The following ZNF536 variants were observed in gnomAD, a reference collection of about 807,000 sequenced individuals.
ZNF536 encodes zinc finger protein 536.
A neutral mutation model predicts 84.5 loss-of-function variants in ZNF536; 13 were observed. The ratio of observed to expected loss-of-function variants is 0.15; its 90% confidence interval spans 0.10 to 0.24. The LOEUF (loss-of-function observed/expected upper bound fraction) is 0.24, where lower values mean the gene tolerates loss of function less well. Among genes scored for constraint, ZNF536 ranks in the 10% least tolerant of loss-of-function variants. ZNF536 has a pLI of 1.00. For synonymous variants in ZNF536, 811 were observed against 742.5 expected, an observed-to-expected ratio of 1.09 and a Z score of -1.50; for missense variants, 1,536 against 1,747.5, an observed-to-expected ratio of 0.88 and a Z score of 2.16.
At position 30,228,927 on chromosome 19, in the gene ZNF536, T is replaced by C. The variant is rs2022798381; in HGVS notation, c.-190+254T>C. 6.7e-6 allele frequency among the ~76,000 whole-genome samples: 1 copy of C among 148,208 alleles called. No individual in the cohort carries two copies. The highest frequency in any genetic ancestry group is 6.7e-5 in the Admixed American group (1 of 14,924). On this transcript the variant is annotated intron_variant, in intron 1 of 5. Coordinates refer to the ZNF536 transcript ENST00000585628. The surrounding 1 kb of genome is among the most constrained non-coding windows in gnomAD (Gnocchi z 4.5). Reference sequence around the variant, plus strand: ...GCCACGCGTGTACCTGTGGCGAGACTCGGGAGGCGATCTTGGGGGGCGCGC... The same window carrying C: ...GCCACGCGTGTACCTGTGGCGAGACCCGGGAGGCGATCTTGGGGGGCGCGC...
At position 30,355,376 on chromosome 19, in the gene ZNF536, G is replaced by A. The variant is rs1048768915; in HGVS notation, c.-3+2892G>A. 3.3e-5 allele frequency among the ~76,000 whole-genome samples: 5 copies of A among 152,004 alleles called. No individual in the cohort carries two copies. In the South Asian group the frequency reaches 6.2e-4, roughly 19 times the overall value. On this transcript the variant is annotated intron_variant, in intron 3 of 5. Transcript: ENST00000585628. ...TAAACCACTCACGAGGCAGGGTCTC[G>A]TTGTTTTATTTTATTTTACTTTTTC... is the stretch of plus-strand genomic sequence containing the variant.
At position 30,453,791 on chromosome 19, in the gene ZNF536, C is replaced by T. The variant is rs187399187; in HGVS notation, c.2170+8059C>T. Among the ~76,000 whole-genome samples, 9 of 152,352 alleles carry T rather than the reference C, an allele frequency of 5.9e-5. 1 individual carries two copies. The highest frequency in any genetic ancestry group is 5.9e-4 in the Admixed American group (9 of 15,312). ...CCGAAAGCAAGGGCAGCAGTCCAGG[C>T]AGAATTCATTTGCCTCCTGTTTCCA... On this transcript the variant is annotated intron_variant, in intron 2 of 4. Transcript: ENST00000355537.
At chr19:30,401,136 A>G (rs963583249) in intron 1 of ZNF536, among the ~76,000 whole-genome samples, 4 of 152,094 alleles carry the variant, frequency 2.6e-5, no homozygotes, top group Admixed American at 2.6e-4. Flanking sequence ...TCCTTCCTTC[A>G]TGGAATTGCT....
At chr19:30,340,508 A>G (rs1032890220) in intron 2 of ZNF536, among the ~76,000 whole-genome samples, 5 of 152,090 alleles carry the variant, frequency 3.3e-5, no homozygotes, top group African/African-American at 1.2e-4. Flanking sequence ...TTTTATATAT[A>G]TCTCAGAGGC....
At chr19:30,561,122 A>G (rs2046148425), downstream of ZNF536, among the ~76,000 whole-genome samples, 1 of 152,252 alleles carries the variant, frequency 6.6e-6, no homozygotes, top group Non-Finnish European at 1.5e-5. Context: ...TGTCAAATTA[A>G]CATAATATGC....
chr19:30,383,307 C>G (rs796161380), intron 1 of ZNF536, among the ~76,000 whole-genome samples: 16 of 105,906 alleles, frequency 1.5e-4, no homozygotes, highest in African/African-American at 4.2e-4. Context: ...AAGAAACAAA[C>G]AAACAAAAAA....
At chr19:30,376,979 G>T (rs75607334) in intron 1 of ZNF536, among the ~76,000 whole-genome samples, 3,913 of 152,326 alleles carry the variant, frequency 0.026, 63 homozygotes, top group Middle Eastern at 0.048. Context: ...TGGCTGCCCT[G>T]TGGGCTCATA....
intron 2 of ZNF536, among the ~76,000 whole-genome samples, chr19:30,501,342 G>A (rs1293727570): frequency 1.3e-5 from 2 of 152,204 alleles, no homozygotes; most frequent in African/African-American, 2.4e-5. Context: ...CTTGCTTGCA[G>A]TGGTGGATAC....
At chr19:30,371,479 A>G (rs569624166), upstream of ZNF536, among the ~76,000 whole-genome samples, 2 of 152,114 alleles carry the variant, frequency 1.3e-5, no homozygotes, top group Admixed American at 6.5e-5. Flanking sequence ...TGCCATTGGC[A>G]TATGCGTTTG....
chr19:30,407,520 C>T (rs546604180), intron 1 of ZNF536, among the ~76,000 whole-genome samples: 3 of 152,234 alleles, frequency 2.0e-5, no homozygotes, highest in Admixed American at 6.5e-5. Flanking sequence ...AAGATGGTCC[C>T]GCCCCAGACG....
At chr19:30,394,692 C>T (rs896230064) in intron 1 of ZNF536, among the ~76,000 whole-genome samples, 1 of 152,154 alleles carries the variant, frequency 6.6e-6, no homozygotes, top group African/African-American at 2.4e-5. Flanking sequence ...TACACATGAG[C>T]AGTTGCTTTT....
intron 2 of ZNF536, among the ~76,000 whole-genome samples, chr19:30,330,139 G>A (rs2047163080): frequency 6.6e-6 from 1 of 152,114 alleles, no homozygotes; most frequent in Admixed American, 6.5e-5. Flanking sequence ...TCTTTGAGTT[G>A]GGTTAATATG....
chr19:30,513,033 T>C (rs1233810406), intron 2 of ZNF536, among the ~76,000 whole-genome samples: 2 of 138,742 alleles, frequency 1.4e-5, no homozygotes, highest in Non-Finnish European at 3.0e-5. Flanking sequence ...CATATTTTAT[T>C]TTTTTTTCTT....
At chr19:30,495,457 G>T (rs576745901) in intron 2 of ZNF536, among the ~76,000 whole-genome samples, 1 of 152,324 alleles carries the variant, frequency 6.6e-6, no homozygotes, top group South Asian at 2.1e-4. Flanking sequence ...GGAAAATGGG[G>T]AAGGAGACCT....
In ZNF536 at chr19:30,380,189, A is replaced by AT. The variant is rs879662647; in HGVS notation, c.-3+7644dup. ...AGGGAGGGCCTTTCTGTGAAAACAG[A>AT]TTTTTTTTTTTGCCAGCCGTCAGCC... On this transcript the variant is annotated intron_variant, in intron 1 of 4. Coordinates refer to ENST00000355537, the MANE Select transcript of ZNF536 (RefSeq NM_014717.3). Among the ~76,000 whole-genome samples, 224 of 148,796 alleles carry AT rather than the reference A, an allele frequency of 1.5e-3. 2 individuals carry two copies. The highest frequency in any genetic ancestry group is 7.4e-3 in the South Asian group (35 of 4,704).
At chr19:30,301,165 C>T (rs888138600) in intron 2 of ZNF536, among the ~76,000 whole-genome samples, 1 of 152,202 alleles carries the variant, frequency 6.6e-6, no homozygotes, top group Non-Finnish European at 1.5e-5. Context: ...TTCATAGGCT[C>T]TGGGGACTGA....
At chr19:30,676,226 A>G (rs2050750004) in intron 1 of ZNF536, among the ~76,000 whole-genome samples, 1 of 152,178 alleles carries the variant, frequency 6.6e-6, no homozygotes, top group African/African-American at 2.4e-5. Flanking sequence ...CTTTGCATGC[A>G]GTTTATTCTG....
intron 2 of ZNF536, among the ~76,000 whole-genome samples, chr19:30,294,549 A>ATGTG (rs55972417): frequency 0.12 from 17,291 of 145,260 alleles, 1,020 homozygotes; most frequent in African/African-American, 0.13. Flanking sequence ...AGGCCCCAAT[A>ATGTG]TGTGTGTGTG....
At chr19:30,225,698 T>G, upstream of ZNF536, among the ~76,000 whole-genome samples, 5 of 88,782 alleles carry the variant, frequency 5.6e-5, no homozygotes, top group Admixed American at 2.4e-4. Context: ...GGGGGGGGGA[T>G]CGCGGGGCGC....
Sources: gnomAD v4.1 joint callset for allele counts (sites outside exome capture counted in the v4.1 genomes callset) on GRCh38, gnomAD v4.1.1 for gene constraint, Gnocchi (gnomAD v3.1) non-coding constraint, MANE v1.5 for transcripts, NCBI Gene and HGNC (gene_info 2026-07-23, HGNC 2026-07-21) for gene names.